Variants in ZG16B observed in about 807,000 individuals in gnomAD.
ZG16B encodes zymogen granule protein 16B.
ZG16B carries 8 observed loss-of-function variants against 7.0 expected under a neutral mutation model. That is an observed-to-expected ratio of 1.15 (90% confidence interval 0.68 to 2.08). The LOEUF (loss-of-function observed/expected upper bound fraction) is 2.08, where lower values mean the gene tolerates loss of function less well. ZG16B is among the 30% of genes most tolerant of loss of function. The probability of loss-of-function intolerance (pLI) is 0.00; values close to 1 mark genes in which losing one functional copy is unlikely to be tolerated. For synonymous variants in ZG16B, 92 were observed against 86.1 expected (o/e 1.07, Z -0.38); for missense variants, 232 against 211.0 (o/e 1.10, Z -0.62).
chr16:2,832,184 T>C lies in ZG16B; in HGVS notation c.*25T>C, dbSNP rs746658718. On this transcript the variant is annotated 3_prime_UTR_variant, in exon 4 of 4. Coordinates refer to ENST00000382280, the MANE Select transcript of ZG16B (RefSeq NM_145252.3). ...GGGTGGGGTATGGGGCCATCCGAGCTGAGGCCATCTGGGTGGTGGTGGCTG... is the reference window on the plus strand; with the variant it reads ...GGGTGGGGTATGGGGCCATCCGAGCCGAGGCCATCTGGGTGGTGGTGGCTG... The C allele has an allele frequency of 8.8e-6, 14 of 1,598,576 alleles. No homozygotes were observed. In the East Asian group the frequency reaches 2.9e-4, roughly 33 times the overall value.
At position 2,831,276 on chromosome 16, in the gene ZG16B, T is replaced by C. The variant is rs532801769; in HGVS notation, c.155+480T>C. On this transcript the variant is annotated intron_variant, in intron 3 of 3. Coordinates refer to ENST00000382280, the MANE Select transcript of ZG16B (RefSeq NM_145252.3). ...AAGCCCAATAGCAGAGGAGACAGAG[T>C]GTGGGCGGGGCGAGCCGGAGGGGTG... 8 of 185,628 alleles carry C rather than the reference T, an allele frequency of 4.3e-5. No individual in the cohort carries two copies. The South Asian group carries it at 9.1e-4, about 21-fold the overall frequency. The allele number at this position is 185,628 out of a possible 1,614,324, so 11.5% of individuals were successfully genotyped here. A position where few individuals can be genotyped will look rare whatever the true frequency, so the allele number is the denominator to read the frequency against.
chr16:2,830,562 C>A, intron 2 of ZG16B, 69 bp downstream of exon 2: 1 of 1,582,518 alleles, frequency 6.3e-7, no homozygotes, highest in Non-Finnish European at 8.6e-7. Context: ...TCACCCGGCC[C>A]TTGTCCCAGA....
At chr16:2,831,483 G>A (rs1411245064) in intron 3 of ZG16B, among the ~76,000 whole-genome samples, 1 of 152,192 alleles carries the variant, frequency 6.6e-6, no homozygotes, top group Non-Finnish European at 1.5e-5. Context: ...GACGGCAGCT[G>A]GTGCCTTCTG....
In ZG16B at chr16:2,831,813, G is replaced by A; in HGVS notation, c.173G>A (p.Gly58Glu). 6.2e-7 allele frequency: 1 copy of A among 1,612,442 alleles called. No homozygotes were observed. The highest frequency in any genetic ancestry group is 8.5e-7 in the Non-Finnish European group (1 of 1,178,902). ...TCTCCCAGTGTCCAGGTGAAACTTG[G>A]AGACTCCTGGGACGTGAAACTGGGA... ...LLVKSVQVKL[G>E]DSWDVKLGAL... The change falls in exon 4 of 4, where the codon GGA (glycine) becomes GAA (glutamate). Residue 58 changes from glycine to glutamate, a missense_variant. Transcript: ENST00000382280.
chr16:2,831,870 T>A lies in ZG16B; in HGVS notation c.230T>A (p.Leu77Gln). The change falls in exon 4 of 4, where the codon CTG (leucine) becomes CAG (glutamine). Residue 77 changes from leucine (L) to glutamine (Q), a missense_variant. Transcript: ENST00000382280. ...GGTGGGAATACCCAGGAAGTCACCCTGCAGCCAGGCGAATACATCACAAAA... is the reference window on the plus strand; with the variant it reads ...GGTGGGAATACCCAGGAAGTCACCCAGCAGCCAGGCGAATACATCACAAAA... ...ALGGNTQEVT[L>Q]QPGEYITKVF... is the part of the protein sequence containing the mutation. 1.2e-6 allele frequency: 2 copies of A among 1,614,168 alleles called. No homozygotes were observed. The highest frequency in any genetic ancestry group is 1.7e-6 in the Non-Finnish European group (2 of 1,180,024).
chr16:2,832,096 G>C lies in ZG16B; in HGVS notation c.456G>C (p.Glu152Asp), dbSNP rs756848832. 1 of 1,614,124 alleles carries C rather than the reference G, an allele frequency of 6.2e-7. No individual in the cohort carries two copies. Among genetic ancestry groups the C allele is most frequent in the Non-Finnish European group, 8.5e-7 (1 of 1,180,030 alleles). ...SIGFEWNYPL[E>D]EPTTEPPVNL... ...GCTTTGAATGGAATTATCCACTAGA[G>C]GAGCCGACCACTGAGCCACCAGTTA... The change falls in exon 4 of 4, where the codon GAG becomes GAC. Residue 152 changes from glutamate to aspartate, a missense_variant. Glu to Asp is a conservative substitution (Grantham distance 45). Transcript: ENST00000382280.
At position 2,830,506 on chromosome 16, in the gene ZG16B, G is replaced by C. The variant is rs199717836; in HGVS notation, c.52+13G>C. On this transcript the variant is annotated intron_variant, in intron 2 of 3. Transcript: ENST00000382280. ...ACCTGGGCAGGGAGTAAGTCAGTGGGGTCTGCCCTCAATCTCCCCTGCCTC... is the reference window on the plus strand; with the variant it reads ...ACCTGGGCAGGGAGTAAGTCAGTGGCGTCTGCCCTCAATCTCCCCTGCCTC... 11 of 1,594,930 alleles carry C rather than the reference G, an allele frequency of 6.9e-6. No individual in the cohort carries two copies. The African/African-American group carries it at 1.5e-4, about 21-fold the overall frequency.
intron 2 of ZG16B, 40 bp from the exon 3 acceptor site, chr16:2,830,654 C>T (rs1234782416): frequency 1.2e-6 from 2 of 1,605,262 alleles, no homozygotes; most frequent in South Asian, 2.2e-5. Flanking sequence ...CATATCACCG[C>T]ATGGGGATTT....
chr16:2,831,386 C>T (rs2150818361), intron 3 of ZG16B, among the ~76,000 whole-genome samples: 1 of 152,262 alleles, frequency 6.6e-6, no homozygotes, highest in Non-Finnish European at 1.5e-5. Context: ...GTCACCTGCC[C>T]CTCGGCCTGT....
chr16:2,830,482 C>T lies in ZG16B; in HGVS notation c.41C>T (p.Thr14Ile). Residue 14 changes from threonine to isoleucine, a missense_variant, in exon 2 of 4, where the codon ACC (threonine) becomes ATC (isoleucine). Transcript: ENST00000382280. ...ACGCTTGCCCTCCTGGGGGGCCCCA[C>T]CTGGGCAGGGAGTAAGTCAGTGGGG... ...LLTLALLGGP[T>I]WAGKMYGPGG... 6.3e-7 allele frequency: 1 copy of T among 1,597,728 alleles called. No homozygotes were observed. Among genetic ancestry groups the T allele is most frequent in the South Asian group, 1.1e-5 (1 of 89,336 alleles).
At position 2,831,840 on chromosome 16, in the gene ZG16B, C is replaced by G. The variant is rs766137206; in HGVS notation, c.200C>G (p.Ala67Gly). 20 of 1,613,834 alleles carry G rather than the reference C, an allele frequency of 1.2e-5. No individual in the cohort carries two copies. The highest frequency in any genetic ancestry group is 1.1e-4 in the East Asian group (5 of 44,888). Residue 67 changes from alanine (A) to glycine (G), a missense_variant, in exon 4 of 4, where the codon GCC becomes GGC. Ala to Gly is a moderately conservative substitution (Grantham distance 60). Transcript: ENST00000382280. The stretch of plus-strand genomic sequence containing the variant: ...GACTCCTGGGACGTGAAACTGGGAG[C>G]CTTAGGTGGGAATACCCAGGAAGTC... ...LGDSWDVKLG[A>G]LGGNTQEVTL...
At position 2,831,936 on chromosome 16, in the gene ZG16B, T is replaced by C. The variant is rs1441672726; in HGVS notation, c.296T>C (p.Met99Thr). 4 of 1,614,134 alleles carry C rather than the reference T, an allele frequency of 2.5e-6. No homozygotes were observed. In the East Asian group the frequency reaches 6.7e-5, roughly 27 times the overall value. The change falls in exon 4 of 4, where the codon ATG becomes ACG. Residue 99 changes from methionine (M) to threonine (T), a missense_variant. Met to Thr is a moderately conservative substitution (Grantham distance 81). Coordinates refer to ENST00000382280, the MANE Select transcript of ZG16B (RefSeq NM_145252.3). ...AFQAFLRGMV[M>T]YTSKDRYFYF... is the part of the protein sequence containing the mutation. ...CAAGCTTTCCTCCGGGGTATGGTCA[T>C]GTACACCAGCAAGGACCGCTATTTC...
intron 3 of ZG16B, 156 bp downstream of exon 3, chr16:2,830,952 G>T: frequency 2.7e-6 from 2 of 740,994 alleles, no homozygotes; most frequent in East Asian, 5.4e-5. Context: ...TTCCTGGCTG[G>T]AGCGGAGACG....
Position 2,830,825 on chromosome 16 carries a change from C to A in ZG16B, c.155+29C>A, listed in dbSNP as rs751666941. ...AGTAGGGCTATGGTCATGGGCCCAG[C>A]GCCATGTCCCCTCCCATCCCACAGT... is the stretch of plus-strand genomic sequence containing the variant. On this transcript the variant is annotated intron_variant, in intron 3 of 3. Transcript: ENST00000382280. 6 of 1,606,614 alleles carry A rather than the reference C, an allele frequency of 3.7e-6. No homozygotes were observed. The African/African-American group carries it at 4.0e-5, about 11-fold the overall frequency.
chr16:2,832,015 G>T lies in ZG16B; in HGVS notation c.375G>T (p.Gly125=). 6.2e-7 allele frequency: 1 copy of T among 1,614,194 alleles called. No homozygotes were observed. The highest frequency in any genetic ancestry group is 8.5e-7 in the Non-Finnish European group (1 of 1,180,048). Reference sequence around the variant, plus strand: ...CCTCTGCCTACCCCAGCCAAGAGGGGCAGGTGCTGGTGGGCATCTATGGCC... The same window carrying T: ...CCTCTGCCTACCCCAGCCAAGAGGGTCAGGTGCTGGTGGGCATCTATGGCC... ...QISSAYPSQE[G]QVLVGIYGQY... Residue 125 remains glycine, a synonymous_variant, in exon 4 of 4, where the codon GGG becomes GGT. Transcript: ENST00000382280.
Position 2,831,829 on chromosome 16 carries a change from G to C in ZG16B, c.189G>C (p.Val63=). 1 of 1,613,950 alleles carries C rather than the reference G, an allele frequency of 6.2e-7. No homozygotes were observed. Among genetic ancestry groups the C allele is most frequent in the South Asian group, 1.1e-5 (1 of 91,080 alleles). The change falls in exon 4 of 4, where the codon GTG becomes GTC. Residue 63 remains valine (V), a synonymous_variant. Transcript: ENST00000382280. The part of the protein sequence containing the change: ...VQVKLGDSWD[V]KLGALGGNTQ... ...TGAAACTTGGAGACTCCTGGGACGT[G>C]AAACTGGGAGCCTTAGGTGGGAATA...
At chr16:2,831,031 C>T (rs1047274031) in intron 3 of ZG16B, 15 of 494,428 alleles carry the variant, frequency 3.0e-5, no homozygotes, top group Non-Finnish European at 5.1e-5. Context: ...CCCCTCTGTC[C>T]CCATGCCTGA....
rs2069258794 is a variant in ZG16B, at chr16:2,831,860, G to A, written c.220G>A (p.Glu74Lys). 9.3e-6 allele frequency: 15 copies of A among 1,614,100 alleles called. No homozygotes were observed. The highest frequency in any genetic ancestry group is 3.3e-4 in the Middle Eastern group (2 of 6,060). Residue 74 changes from glutamate to lysine, a missense_variant, in exon 4 of 4, where the codon GAA (glutamate) becomes AAA (lysine). Physicochemically the swap from Glu to Lys is moderately conservative, Grantham distance 56. Coordinates refer to ENST00000382280, the MANE Select transcript of ZG16B (RefSeq NM_145252.3). ...GGGAGCCTTAGGTGGGAATACCCAGGAAGTCACCCTGCAGCCAGGCGAATA... is the reference window on the plus strand; with the variant it reads ...GGGAGCCTTAGGTGGGAATACCCAGAAAGTCACCCTGCAGCCAGGCGAATA... ...KLGALGGNTQ[E>K]VTLQPGEYIT...
At chr16:2,831,203 AT>A in intron 3 of ZG16B, 1 of 192,476 alleles carries the variant, frequency 5.2e-6, no homozygotes, top group Non-Finnish European at 1.1e-5. Context: ...TCTGGGATGG[AT>A]TTTTGCCCTG....
Sources: allele counts gnomAD v4.1 joint callset (sites outside exome capture counted in the v4.1 genomes callset), GRCh38; gene constraint gnomAD v4.1.1; transcripts MANE v1.5; gene names NCBI Gene and HGNC (gene_info 2026-07-23, HGNC 2026-07-21).